The following WDFY2 variants were observed in gnomAD, a reference collection of about 807,000 sequenced individuals.
The protein encoded by WDFY2 is WD repeat and FYVE domain-containing protein 2.
WDFY2 carries 36 observed loss-of-function variants against 56.4 expected under a neutral mutation model. The ratio of observed to expected loss-of-function variants is 0.64; its 90% CI spans 0.49 to 0.84. The LOEUF is 0.84. Ranked by LOEUF, WDFY2 falls within the 40% of genes least tolerant of loss-of-function variation. The pLI is 0.00. For missense variants in WDFY2, 444 were observed against 512.2 expected (o/e 0.87, Z 1.29); for synonymous variants, 176 against 183.7 (o/e 0.96, Z 0.34).
chr13:51,611,805 C>T (rs1954508944), intron 1 of WDFY2, among the ~76,000 whole-genome samples: 1 of 152,102 alleles, frequency 6.6e-6, no homozygotes, highest in Admixed American at 6.6e-5. Context: ...GAAGGAGATA[C>T]CTCTGGGAAA....
chr13:51,658,286 T>C lies in WDFY2; in HGVS notation c.138-2310T>C, dbSNP rs574260315. On this transcript the variant is annotated intron_variant, in intron 1 of 11. Coordinates refer to ENST00000298125, the MANE Select transcript of WDFY2 (RefSeq NM_052950.4). ...GATTTCCTTAAATGCCTGCGTCCGA[T>C]AAGGATAAAAAAGTTTCTGTCTCTA... 8.5e-5 allele frequency among the ~76,000 whole-genome samples: 13 copies of C among 152,340 alleles called. No individual in the cohort carries two copies. In the South Asian group the frequency reaches 2.7e-3, roughly 32 times the overall value.
At chr13:51,719,412 A>T in intron 5 of WDFY2, 64 bp downstream of exon 5, 1 of 1,500,168 alleles carries the variant, frequency 6.7e-7, no homozygotes, top group South Asian at 1.4e-5. Context: ...TGATTCATGA[A>T]ATTTTGGGGT....
In WDFY2 at chr13:51,625,229, G is replaced by T. The variant is rs1427391214; in HGVS notation, c.138-35367G>T. 2.6e-5 allele frequency among the ~76,000 whole-genome samples: 4 copies of T among 152,202 alleles called. No individual in the cohort carries two copies. The East Asian group carries it at 7.7e-4, about 29-fold the overall frequency. ...GGTAAGGTCTGGATATACTTTAATA[G>T]TTATTTCATAATTCAGACTTGGCTT... On this transcript the variant is annotated intron_variant, in intron 1 of 11. Coordinates refer to ENST00000298125, the MANE Select transcript of WDFY2 (RefSeq NM_052950.4).
chr13:51,692,145 A>G (rs1257500029), intron 3 of WDFY2, among the ~76,000 whole-genome samples: 1 of 152,204 alleles, frequency 6.6e-6, no homozygotes, highest in Admixed American at 6.5e-5. Flanking sequence ...GCAAACAGGG[A>G]CAATTTGACT....
chr13:51,651,845 G>A (rs1955394403), intron 1 of WDFY2, among the ~76,000 whole-genome samples: 1 of 152,214 alleles, frequency 6.6e-6, no homozygotes, highest in Admixed American at 6.5e-5. Context: ...TGGAATAGGT[G>A]TGGTGTGGTG....
chr13:51,663,194 A>G (rs1223138210), intron 2 of WDFY2, among the ~76,000 whole-genome samples: 1 of 152,244 alleles, frequency 6.6e-6, no homozygotes, highest in Non-Finnish European at 1.5e-5. Flanking sequence ...TTGAAGATAC[A>G]TTGAGGTTTG....
At chr13:51,695,001 C>G (rs1041113571) in intron 3 of WDFY2, among the ~76,000 whole-genome samples, 2 of 152,280 alleles carry the variant, frequency 1.3e-5, no homozygotes, top group Admixed American at 1.3e-4. Flanking sequence ...GCATTCTTCA[C>G]GTAGTTCTCA....
At chr13:51,618,577 T>G (rs911778223) in intron 1 of WDFY2, among the ~76,000 whole-genome samples, 4 of 152,250 alleles carry the variant, frequency 2.6e-5, no homozygotes, top group African/African-American at 9.6e-5. Flanking sequence ...TAATGAATCT[T>G]GAAAATGATT....
At chr13:51,684,369 T>G (rs1956025233) in intron 3 of WDFY2, among the ~76,000 whole-genome samples, 1 of 133,238 alleles carries the variant, frequency 7.5e-6, no homozygotes, top group South Asian at 2.3e-4. Flanking sequence ...GTATTTGGTG[T>G]TTTTTTTTTT....
At chr13:51,693,052 A>G (rs1951779919) in intron 3 of WDFY2, among the ~76,000 whole-genome samples, 1 of 151,928 alleles carries the variant, frequency 6.6e-6, no homozygotes, top group South Asian at 2.1e-4. Flanking sequence ...CCCCTTTATC[A>G]TTTTTTATTG....
rs1593902645 is a variant in WDFY2, at chr13:51,629,858, A to G, written c.138-30738A>G. On this transcript the variant is annotated intron_variant, in intron 1 of 11. Coordinates refer to ENST00000298125, the MANE Select transcript of WDFY2 (RefSeq NM_052950.4). ...TTTTTTTTTGGTTTATAGATGTATTACATCTGAAAAATATTGAAAGTACAA... is the reference window on the plus strand; with the variant it reads ...TTTTTTTTTGGTTTATAGATGTATTGCATCTGAAAAATATTGAAAGTACAA... 4.0e-5 allele frequency among the ~76,000 whole-genome samples: 3 copies of G among 75,640 alleles called. 1 individual carries two copies. The Admixed American group carries it at 5.7e-4, about 14-fold the overall frequency. 49.6% of individuals were successfully genotyped at this position (75,640 alleles called of 152,430 possible).
intron 3 of WDFY2, among the ~76,000 whole-genome samples, chr13:51,689,369 T>C (rs1034740768): frequency 2.6e-5 from 4 of 152,162 alleles, no homozygotes; most frequent in African/African-American, 9.7e-5. Flanking sequence ...TTTTGTGCTA[T>C]ATGTGTAAAC....
chr13:51,630,554 C>T (rs1199663925), intron 1 of WDFY2, among the ~76,000 whole-genome samples: 3 of 151,458 alleles, frequency 2.0e-5, no homozygotes, highest in Non-Finnish European at 4.4e-5. Flanking sequence ...ATACGTGTGG[C>T]ACTTTTGCAC....
At chr13:51,620,583 T>C (rs1375190598) in intron 1 of WDFY2, among the ~76,000 whole-genome samples, 16 of 152,214 alleles carry the variant, frequency 1.1e-4, no homozygotes, top group African/African-American at 2.4e-5. Flanking sequence ...TCCCAGCCCG[T>C]CTGCACCTGC....
chr13:51,706,159 G>C (rs570436798), intron 4 of WDFY2, among the ~76,000 whole-genome samples: 25 of 152,182 alleles, frequency 1.6e-4, no homozygotes, highest in African/African-American at 5.8e-4. Context: ...GAGTACTATG[G>C]AAACCTATTC....
At chr13:51,738,099 C>T (rs1306470957) in intron 6 of WDFY2, among the ~76,000 whole-genome samples, 2 of 152,060 alleles carry the variant, frequency 1.3e-5, no homozygotes, top group Non-Finnish European at 2.9e-5. Flanking sequence ...CTGATAATCT[C>T]AATAAGAAAA....
intron 1 of WDFY2, chr13:51,586,398 G>A (rs1256014358): frequency 1.3e-5 from 3 of 226,254 alleles, no homozygotes; most frequent in Non-Finnish European, 2.6e-5. Flanking sequence ...TTAAACCTAA[G>A]CTGCTTTAAT....
At chr13:51,712,334 A>C (rs1952240271) in intron 4 of WDFY2, among the ~76,000 whole-genome samples, 1 of 151,662 alleles carries the variant, frequency 6.6e-6, no homozygotes, top group Non-Finnish European at 1.5e-5. Context: ...CATTAGGAGA[A>C]ATAATGTAAA....
intron 1 of WDFY2, among the ~76,000 whole-genome samples, chr13:51,617,067 C>G (rs1057084262): frequency 1.3e-5 from 2 of 152,142 alleles, no homozygotes; most frequent in Non-Finnish European, 2.9e-5. Flanking sequence ...TTTTGAAAAT[C>G]TCCCCCACCT....
Sources: gnomAD v4.1 joint callset for allele counts (sites outside exome capture counted in the v4.1 genomes callset) on GRCh38, gnomAD v4.1.1 for gene constraint, MANE v1.5 for transcripts, NCBI Gene and HGNC (gene_info 2026-07-23, HGNC 2026-07-21) for gene names.